The following INSR variants were observed in gnomAD, a reference collection of about 807,000 sequenced individuals.
INSR encodes IR.
A neutral mutation model predicts 142.6 loss-of-function variants in INSR; 67 were observed. That is an observed-to-expected ratio of 0.47 (90% CI 0.39 to 0.58). INSR has a LOEUF of 0.58. Among genes scored for constraint, INSR ranks in the 20% least tolerant of loss-of-function variants. The pLI is 0.00. For synonymous variants in INSR, 756 were observed against 743.1 expected (o/e 1.02, Z -0.28); for missense variants, 1,248 against 1,833.2 (o/e 0.68, Z 5.83).
intron 2 of INSR, among the ~76,000 whole-genome samples, chr19:7,219,480 G>A (rs993067990): frequency 2.1e-5 from 3 of 142,562 alleles, no homozygotes; most frequent in Admixed American, 7.0e-5. Context: ...GAAAAGGGAG[G>A]GAGGGAAGGA....
Position 7,125,258 on chromosome 19 carries a change from C to T in INSR, c.3258+25G>A. 6.2e-7 allele frequency: 1 copy of T among 1,613,702 alleles called. No homozygotes were observed. Among genetic ancestry groups the T allele is most frequent in the Non-Finnish European group, 8.5e-7 (1 of 1,179,994 alleles). ...AAGGGAAGGGTCAGGAAAGCCAGCC[C>T]ATGTCCCACCCCCACTGGACTCACC... On this transcript the variant is annotated intron_variant, in intron 17 of 21. Transcript: ENST00000302850. This position sits in a 1 kb window ranked among gnomAD's most constrained non-coding sequence, Gnocchi z 4.9.
chr19:7,195,067 A>C (rs1208194746), intron 2 of INSR, among the ~76,000 whole-genome samples: 1 of 152,098 alleles, frequency 6.6e-6, no homozygotes, highest in African/African-American at 2.4e-5. Context: ...AAAATCCCAC[A>C]GTACTAGAAA....
chr19:7,275,142 A>C (rs1404785562), intron 1 of INSR, among the ~76,000 whole-genome samples: 1 of 151,704 alleles, frequency 6.6e-6, no homozygotes, highest in Non-Finnish European at 1.5e-5. Flanking sequence ...CATCCAGATA[A>C]TTTTGTATTT....
intron 2 of INSR, among the ~76,000 whole-genome samples, chr19:7,213,341 C>CAAAAAAAAA (rs11343255): frequency 9.9e-6 from 1 of 100,634 alleles, no homozygotes; most frequent in Non-Finnish European, 2.0e-5. Flanking sequence ...GACTCCATCT[C>CAAAAAAAAA]AAAAAAAAAA....
chr19:7,194,508 C>CTTTTTT (rs35025189), intron 2 of INSR, among the ~76,000 whole-genome samples: 5 of 73,578 alleles, frequency 6.8e-5, no homozygotes, highest in African/African-American at 1.7e-4. Flanking sequence ...AATAGCTTTG[C>CTTTTTT]TTTTTTTTTT....
Position 7,151,270 on chromosome 19 carries a change from C to CT in INSR, c.2232-739dup, listed in dbSNP as rs200725174. Among the ~76,000 whole-genome samples, 39 of 147,268 alleles carry CT rather than the reference C, an allele frequency of 2.6e-4. No individual in the cohort carries two copies. In the East Asian group the frequency reaches 6.8e-3, roughly 26 times the overall value. On this transcript the variant is annotated intron_variant, in intron 10 of 21. Transcript: ENST00000302850. ...CCTCCCTCCATTCCTTTCTTTCTTTCTTTTTTTCCCTTCCTTCCTTTTTGA... is the reference window on the plus strand; with the variant it reads ...CCTCCCTCCATTCCTTTCTTTCTTTCTTTTTTTTCCCTTCCTTCCTTTTTGA...
At chr19:7,252,836 C>T (rs375365524) in intron 2 of INSR, among the ~76,000 whole-genome samples, 1 of 152,148 alleles carries the variant, frequency 6.6e-6, no homozygotes. Flanking sequence ...GAAGCCACAG[C>T]CAGGCGCGGT....
chr19:7,193,804 C>T (rs888459966), intron 2 of INSR, among the ~76,000 whole-genome samples: 2 of 152,038 alleles, frequency 1.3e-5, no homozygotes, highest in East Asian at 1.9e-4. Context: ...CTCCTCCTAC[C>T]TCAGCCTCCT....
chr19:7,197,315 G>GGAGA (rs1321118419), intron 2 of INSR, among the ~76,000 whole-genome samples: 1 of 93,222 alleles, frequency 1.1e-5, no homozygotes. Context: ...TCTTCTCTTC[G>GGAGA]GAGAGAGAGT....
intron 2 of INSR, among the ~76,000 whole-genome samples, chr19:7,265,469 G>A (rs1382046332): frequency 1.3e-5 from 2 of 152,134 alleles, no homozygotes; most frequent in East Asian, 1.9e-4. Flanking sequence ...GGCTGGGCGC[G>A]GTGGCTCACG....
At chr19:7,193,656 T>C (rs925640154) in intron 2 of INSR, among the ~76,000 whole-genome samples, 1 of 152,100 alleles carries the variant, frequency 6.6e-6, no homozygotes, top group Non-Finnish European at 1.5e-5. Context: ...CTGACATATA[T>C]TTGGAAATAC....
intron 9 of INSR, among the ~76,000 whole-genome samples, chr19:7,160,740 G>A (rs1973726574): frequency 1.3e-5 from 2 of 152,030 alleles, no homozygotes; most frequent in South Asian, 4.2e-4. Context: ...GCTCACGCCT[G>A]TAATCCCAGC....
At chr19:7,284,433 A>T (rs1968290169) in intron 1 of INSR, among the ~76,000 whole-genome samples, 1 of 152,186 alleles carries the variant, frequency 6.6e-6, no homozygotes, top group Non-Finnish European at 1.5e-5. Flanking sequence ...GCAGGGCTTC[A>T]GCACCCTGGG....
chr19:7,243,023 C>T (rs1287653874), intron 2 of INSR, among the ~76,000 whole-genome samples: 1 of 152,004 alleles, frequency 6.6e-6, no homozygotes. Context: ...AACACAGACA[C>T]ACACACCACT....
chr19:7,255,042 G>A (rs1185890078), intron 2 of INSR, among the ~76,000 whole-genome samples: 6 of 73,292 alleles, frequency 8.2e-5, no homozygotes, highest in African/African-American at 1.1e-4. Context: ...GCACCCACCC[G>A]CTCCAGGAAG....
In INSR at chr19:7,116,250, A is replaced by G. The variant is rs1223569536; in HGVS notation, c.*806T>C. ...GTAGAAACCTGAGGCTAGACTTCTG[A>G]CACAAGAAGAATCTGTCGAGAGCAC... On this transcript the variant is annotated 3_prime_UTR_variant, in exon 22 of 22. Transcript: ENST00000302850. 1 of 151,592 alleles carries G rather than the reference A, an allele frequency of 6.6e-6. No individual in the cohort carries two copies. The highest frequency in any genetic ancestry group is 1.5e-5 in the Non-Finnish European group (1 of 67,944). The allele number at this position is 151,592 out of a possible 1,614,324, so 9.4% of individuals were successfully genotyped here.
At chr19:7,165,413 C>G (rs965439720) in intron 8 of INSR, among the ~76,000 whole-genome samples, 2 of 152,100 alleles carry the variant, frequency 1.3e-5, no homozygotes, top group Non-Finnish European at 2.9e-5. Flanking sequence ...TGACCAAAGG[C>G]TGAAGCTGGG....
At chr19:7,122,452 C>CA in intron 19 of INSR, 162 bp downstream of exon 19, 1 of 788,112 alleles carries the variant, frequency 1.3e-6, no homozygotes. Context: ...GTCTCAAAAA[C>CA]AAAAAGACAA....
intron 1 of INSR, among the ~76,000 whole-genome samples, chr19:7,275,377 C>T (rs1968034501): frequency 6.6e-6 from 1 of 152,090 alleles, no homozygotes; most frequent in African/African-American, 2.4e-5. Flanking sequence ...CCAAGTTGTT[C>T]CAAATATATG....
Sources: allele counts gnomAD v4.1 joint callset (sites outside exome capture counted in the v4.1 genomes callset), GRCh38; gene constraint gnomAD v4.1.1; non-coding constraint Gnocchi (gnomAD v3.1); transcripts MANE v1.5; gene names NCBI Gene and HGNC (gene_info 2026-07-23, HGNC 2026-07-21).